Variants in PGBD2 observed in about 807,000 individuals in gnomAD.
PGBD2 encodes the protein piggyBac transposable element-derived protein 2.
Under a neutral mutation model 8.1 loss-of-function variants are expected in PGBD2, and 6 were observed. The observed-to-expected ratio is 0.74, with a 90% CI of 0.40 to 1.46. The LOEUF is 1.46. Among genes scored for constraint, PGBD2 ranks in the 40% most tolerant of loss-of-function variants. PGBD2 has a pLI of 0.02. For missense variants in PGBD2, 802 were observed against 739.0 expected (o/e 1.09, Z -0.99); for synonymous variants, 318 against 272.2 (o/e 1.17, Z -1.66).
intron 1 of PGBD2, among the ~76,000 whole-genome samples, chr1:248,907,259 A>G (rs866903532): frequency 2.0e-5 from 3 of 152,244 alleles, no homozygotes; most frequent in Non-Finnish European, 2.9e-5. Flanking sequence ...CTCTCTGCCC[A>G]AACATTTCAG....
At chr1:248,923,770 C>T (rs182185848), downstream of PGBD2, among the ~76,000 whole-genome samples, 28 of 152,260 alleles carry the variant, frequency 1.8e-4, no homozygotes, top group Admixed American at 1.4e-3. Context: ...GCATAGGGCA[C>T]GGATGGATTT....
the PGBD2 span, among the ~76,000 whole-genome samples, chr1:248,892,482 C>T: frequency 0.01 from 1,570 of 151,604 alleles, 36 homozygotes; most frequent in African/African-American, 0.036. Context: ...TGGATGGAGG[C>T]GTGAAGGTCT....
chr1:248,880,245 C>CAT, the PGBD2 span, among the ~76,000 whole-genome samples: 2 of 152,194 alleles, frequency 1.3e-5, no homozygotes, highest in African/African-American at 4.8e-5. Context: ...TGGATGTATC[C>CAT]ATTCCATGTG....
upstream of PGBD2, among the ~76,000 whole-genome samples, chr1:248,904,396 C>T: frequency 6.6e-6 from 1 of 152,076 alleles, no homozygotes; most frequent in East Asian, 1.9e-4. Flanking sequence ...AAGCAATGCA[C>T]TGAAAATGTC....
chr1:248,907,043 G>A (rs1275525663), intron 1 of PGBD2, among the ~76,000 whole-genome samples: 5 of 152,110 alleles, frequency 3.3e-5, no homozygotes, highest in African/African-American at 1.2e-4. Context: ...CCGGCACTCA[G>A]CATACCAAGG....
chr1:248,877,505 A>G, the PGBD2 span, among the ~76,000 whole-genome samples: 1 of 152,258 alleles, frequency 6.6e-6, no homozygotes, highest in African/African-American at 2.4e-5. Flanking sequence ...CAGCCTCCCA[A>G]TGCCGTACAG....
the PGBD2 span, among the ~76,000 whole-genome samples, chr1:248,892,190 GT>G: frequency 6.6e-6 from 1 of 151,458 alleles, no homozygotes; most frequent in African/African-American, 2.4e-5. Flanking sequence ...CTATATAAGG[GT>G]TAATGCATAG....
At chr1:248,873,844 T>C in the PGBD2 span, among the ~76,000 whole-genome samples, 8 of 152,226 alleles carry the variant, frequency 5.3e-5, no homozygotes, top group South Asian at 6.2e-4. Context: ...AGAAGCGCTC[T>C]GCTTCCGAGT....
At chr1:248,901,979 A>C (rs763258315), upstream of PGBD2, among the ~76,000 whole-genome samples, 6 of 152,222 alleles carry the variant, frequency 3.9e-5, no homozygotes, top group Non-Finnish European at 8.8e-5. Flanking sequence ...AATCAAAACT[A>C]TAATGAAGGC....
chr1:248,924,290 T>A (rs1402606216), downstream of PGBD2, among the ~76,000 whole-genome samples: 1 of 152,240 alleles, frequency 6.6e-6, no homozygotes, highest in South Asian at 2.1e-4. Context: ...GACTGCTGGC[T>A]TCCAGCACGT....
rs1662106301 is a variant in PGBD2 at position 248,916,631 on chromosome 1, C to G, written c.47C>G (p.Ser16Ter). ...RDVIAGRGIH[S>*]KVKSAKLLEV... is the part of the protein sequence containing the mutation. ...GTCATTGCTGGGAGAGGTATCCACT[C>G]AAAGGTGAAGTCTGCAAAGCTGCTT... The change falls in exon 3 of 3, where the codon TCA becomes TGA. Residue 16 changes from serine to a stop codon, truncating the protein, a stop_gained. Coordinates refer to ENST00000329291, the MANE Select transcript of PGBD2 (RefSeq NM_170725.3). LOFTEE classifies it low-confidence loss of function (END_TRUNC). 2 of 1,614,102 alleles carry G rather than the reference C, an allele frequency of 1.2e-6. No homozygotes were observed. Among genetic ancestry groups the G allele is most frequent in the Non-Finnish European group, 8.5e-7 (1 of 1,180,000 alleles).
the PGBD2 span, among the ~76,000 whole-genome samples, chr1:248,878,336 G>A: frequency 6.6e-6 from 1 of 152,028 alleles, no homozygotes; most frequent in African/African-American, 2.4e-5. Context: ...CCGCCACCAC[G>A]CCCAGCTAGT....
chr1:248,914,518 G>A (rs1558287717), intron 2 of PGBD2: 3 of 1,289,296 alleles, frequency 2.3e-6, no homozygotes, highest in Non-Finnish European at 2.0e-6. Context: ...TGAGGTTGGA[G>A]TGAATTTCTA....
the PGBD2 span, among the ~76,000 whole-genome samples, chr1:248,884,868 C>A: frequency 6.6e-6 from 1 of 152,096 alleles, no homozygotes; most frequent in East Asian, 1.9e-4. Flanking sequence ...TTAAGTCATG[C>A]CTGGCATGGT....
At chr1:248,926,729 C>T in the PGBD2 span, among the ~76,000 whole-genome samples, 2 of 152,128 alleles carry the variant, frequency 1.3e-5, no homozygotes, top group Admixed American at 6.5e-5. Flanking sequence ...AGAGCAGAGT[C>T]GTGTTTAGAT....
At chr1:248,883,578 T>C in the PGBD2 span, among the ~76,000 whole-genome samples, 16 of 140,280 alleles carry the variant, frequency 1.1e-4, no homozygotes, top group East Asian at 2.5e-3. Flanking sequence ...AGTTTCTTTT[T>C]TTTTTCTTTT....
Position 248,917,567 on chromosome 1 carries a change from G to A in PGBD2, c.983G>A (p.Gly328Asp). 6.2e-7 allele frequency: 1 copy of A among 1,614,210 alleles called. No individual in the cohort carries two copies. The highest frequency in any genetic ancestry group is 1.1e-5 in the South Asian group (1 of 91,082). Residue 328 changes from glycine (G) to aspartate (D), a missense_variant, in exon 3 of 3, where the codon GGC (glycine) becomes GAC (aspartate). Physicochemically the swap from Gly to Asp is moderately conservative, Grantham distance 94. Transcript: ENST00000329291. The stretch of plus-strand genomic sequence containing the variant: ...CCAGACAGGAGCTTGGATCTAGGAG[G>A]CAGTATGGTAATAAAATTTGTGGAT... Reference protein sequence around the residue: ...TKPDRSLDLGGSMVIKFVDAL... With the variant: ...TKPDRSLDLGDSMVIKFVDAL...
In PGBD2 at chr1:248,916,765, G is replaced by A. The variant is rs765270170; in HGVS notation, c.181G>A (p.Asp61Asn). The change falls in exon 3 of 3, where the codon GAT becomes AAT. Residue 61 changes from aspartate to asparagine, a missense_variant. Transcript: ENST00000329291. ...AGEFTDEDSG[D>N]EDSQRGAHLP... ...GGAATTCACTGATGAGGACTCAGGG[G>A]ATGAAGACAGCCAGCGAGGTGCTCA... 3.1e-6 allele frequency: 5 copies of A among 1,614,192 alleles called. No individual in the cohort carries two copies. The highest frequency in any genetic ancestry group is 4.2e-6 in the Non-Finnish European group (5 of 1,180,028).
chr1:248,909,682 A>T (rs963692251), intron 1 of PGBD2, among the ~76,000 whole-genome samples: 1 of 152,148 alleles, frequency 6.6e-6, no homozygotes, highest in South Asian at 2.1e-4. Flanking sequence ...TGGTAAGAGG[A>T]AGACTTGATT....
Sources: allele counts gnomAD v4.1 joint callset (sites outside exome capture counted in the v4.1 genomes callset), GRCh38; gene constraint gnomAD v4.1.1; transcripts MANE v1.5; gene names NCBI Gene and HGNC (gene_info 2026-07-23, HGNC 2026-07-21).